ADAMTS14: variants seen among roughly 807,000 people sequenced by gnomAD.
ADAMTS14 encodes the protein ADAM metallopeptidase with thrombospondin type 1 motif 14.
In ADAMTS14, 100 loss-of-function variants were observed where a neutral mutation model predicts 128.6. That is an observed-to-expected ratio of 0.78 (90% CI 0.66 to 0.92). The LOEUF (loss-of-function observed/expected upper bound fraction) is 0.92. Ranked by LOEUF, ADAMTS14 falls within the 40% of genes least tolerant of loss-of-function variation. The pLI, the probability that ADAMTS14 is intolerant of heterozygous loss-of-function variation, is 0.00. For synonymous variants in ADAMTS14, 665 were observed against 653.8 expected (o/e 1.02, Z -0.26); for missense variants, 1,562 against 1,658.6 (o/e 0.94, Z 1.01).
At chr10:70,729,219 C>A in intron 4 of ADAMTS14, 75 bp from the exon 5 acceptor site, 1 of 1,280,522 alleles carries the variant, frequency 7.8e-7, no homozygotes, top group Middle Eastern at 1.9e-4. Context: ...ATGTTAGGTA[C>A]CTACCCCAGT....
At chr10:70,746,719 C>T (rs1040970045) in intron 15 of ADAMTS14, among the ~76,000 whole-genome samples, 9 of 152,160 alleles carry the variant, frequency 5.9e-5, no homozygotes, top group African/African-American at 2.2e-4. Context: ...GGGACTGAGG[C>T]AGGAGCGTCT....
chr10:70,724,366 G>A (rs915632939), intron 4 of ADAMTS14, among the ~76,000 whole-genome samples: 3 of 152,142 alleles, frequency 2.0e-5, no homozygotes, highest in African/African-American at 7.2e-5. Context: ...GGTGTGCCTC[G>A]TAGCCATCCT....
chr10:70,739,102 G>C, intron 11 of ADAMTS14, 112 bp downstream of exon 11: 1 of 1,323,024 alleles, frequency 7.6e-7, no homozygotes, highest in African/African-American at 1.5e-5. Context: ...CCCTGTGGGT[G>C]GTTGTGTATG....
chr10:70,699,657 C>T (rs975206702), intron 2 of ADAMTS14, among the ~76,000 whole-genome samples: 15 of 152,172 alleles, frequency 9.9e-5, no homozygotes, highest in Admixed American at 9.2e-4. Flanking sequence ...GAAACTGTAT[C>T]CCTCATATGA....
intron 10 of ADAMTS14, among the ~76,000 whole-genome samples, chr10:70,737,804 A>G (rs1486045457): frequency 6.6e-6 from 1 of 152,158 alleles, no homozygotes; most frequent in African/African-American, 2.4e-5. Context: ...TGGGCTGCAT[A>G]TTGGAATCAT....
rs746772566 is a variant in ADAMTS14, at chr10:70,743,668, G to A, written c.2045G>A (p.Arg682His). Residue 682 changes from arginine to histidine, a missense_variant, in exon 13 of 22, where the codon CGT becomes CAT. Arg to His is a conservative substitution (Grantham distance 29). Transcript: ENST00000373207. ...SYRDPYSVCA[R>H]GECVPVGCDK... ...CGGGACCCATACAGCGTCTGTGCGC[G>A]TGGCGAGTGTGTGGTGGGTGCACCC... 6.3e-6 allele frequency: 10 copies of A among 1,596,172 alleles called. No homozygotes were observed. The highest frequency in any genetic ancestry group is 2.2e-5 in the South Asian group (2 of 89,182).
chr10:70,700,632 A>G lies in ADAMTS14; in HGVS notation c.523-1680A>G, dbSNP rs577272758. 1.1e-4 allele frequency among the ~76,000 whole-genome samples: 16 copies of G among 152,272 alleles called. 1 individual carries two copies. In the South Asian group the frequency reaches 3.1e-3, roughly 30 times the overall value. ...CCCTGCCTAGGTGTGTCCTGGGGCT[A>G]GTACCTTCCCCTTCAGGCCAGGGGG... On this transcript the variant is annotated intron_variant, in intron 2 of 21. Transcript: ENST00000373207.
At chr10:70,682,128 A>G (rs1025982791) in intron 2 of ADAMTS14, among the ~76,000 whole-genome samples, 1 of 152,134 alleles carries the variant, frequency 6.6e-6, no homozygotes, top group Non-Finnish European at 1.5e-5. Context: ...CATTTCCTGG[A>G]GCATTGAGCA....
At chr10:70,683,628 A>T (rs988739403) in intron 2 of ADAMTS14, among the ~76,000 whole-genome samples, 1 of 152,226 alleles carries the variant, frequency 6.6e-6, no homozygotes, top group African/African-American at 2.4e-5. Context: ...TTCTTGTGTA[A>T]CAAATCAGTC....
intron 3 of ADAMTS14, among the ~76,000 whole-genome samples, chr10:70,707,814 G>A (rs975822131): frequency 6.6e-6 from 1 of 152,170 alleles, no homozygotes; most frequent in African/African-American, 2.4e-5. Context: ...GCCAGATATA[G>A]CCTGGCAGCT....
intron 16 of ADAMTS14, among the ~76,000 whole-genome samples, chr10:70,750,911 G>A (rs193211570): frequency 3.4e-4 from 52 of 152,216 alleles, no homozygotes; most frequent in Non-Finnish European, 5.6e-4. Context: ...AAAGAACAGA[G>A]GGGCAAATCT....
intron 11 of ADAMTS14, among the ~76,000 whole-genome samples, chr10:70,739,518 C>T (rs939912377): frequency 5.9e-5 from 9 of 151,982 alleles, no homozygotes; most frequent in Admixed American, 2.6e-4. Flanking sequence ...GGACCTTCTC[C>T]CCAACTCCAT....
chr10:70,691,808 C>A (rs1350129867), intron 2 of ADAMTS14, among the ~76,000 whole-genome samples: 1 of 152,174 alleles, frequency 6.6e-6, no homozygotes, highest in Non-Finnish European at 1.5e-5. Flanking sequence ...GGTAACCCAG[C>A]CAGCTGGACT....
At chr10:70,739,361 C>T (rs1175923922) in intron 11 of ADAMTS14, among the ~76,000 whole-genome samples, 1 of 152,096 alleles carries the variant, frequency 6.6e-6, no homozygotes, top group Non-Finnish European at 1.5e-5. Context: ...AATCAATTTC[C>T]TAACTTTGTT....
rs914071707 is a variant in ADAMTS14, at chr10:70,674,336, G to A, written c.83-220G>A. Among the ~76,000 whole-genome samples, 101 of 152,284 alleles carry A rather than the reference G, an allele frequency of 6.6e-4. 1 individual carries two copies. Among genetic ancestry groups the A allele is most frequent in the Admixed American group, 6.6e-3 (101 of 15,304 alleles). On this transcript the variant is annotated intron_variant, in intron 1 of 21. Transcript: ENST00000373207. ...TGCTAAGTTTAAAAAGGACCTGGGG[G>A]CTACAGGGAGTGCCACAAGGTACCC... is the stretch of plus-strand genomic sequence containing the variant.
intron 19 of ADAMTS14, among the ~76,000 whole-genome samples, chr10:70,757,013 C>G (rs1250742937): frequency 6.6e-6 from 1 of 151,764 alleles, no homozygotes; most frequent in East Asian, 1.9e-4. Context: ...TCTGTGTGGC[C>G]CCATGACCCT....
intron 15 of ADAMTS14, among the ~76,000 whole-genome samples, chr10:70,747,688 T>C (rs1167761954): frequency 2.6e-5 from 4 of 152,094 alleles, no homozygotes; most frequent in Non-Finnish European, 5.9e-5. Flanking sequence ...GCAGGCCGAG[T>C]GCGGGCTTGC....
intron 2 of ADAMTS14, among the ~76,000 whole-genome samples, chr10:70,682,291 C>T (rs1039879381): frequency 3.3e-5 from 5 of 152,142 alleles, no homozygotes; most frequent in African/African-American, 1.2e-4. Flanking sequence ...CAGTGTCACT[C>T]TGGTATTATA....
chr10:70,676,040 G>C (rs1368779565), intron 2 of ADAMTS14, among the ~76,000 whole-genome samples: 1 of 152,088 alleles, frequency 6.6e-6, no homozygotes, highest in Non-Finnish European at 1.5e-5. Flanking sequence ...GGCTGCCTCT[G>C]TCTAGGCCAG....
Sources: allele counts gnomAD v4.1 joint callset (sites outside exome capture counted in the v4.1 genomes callset), GRCh38; gene constraint gnomAD v4.1.1; transcripts MANE v1.5; gene names NCBI Gene and HGNC (gene_info 2026-07-23, HGNC 2026-07-21).